CSGALNACT1: variants seen among roughly 807,000 people sequenced by gnomAD.
CSGALNACT1 encodes the protein beta4GalNAcT-1.
CSGALNACT1 carries 52 observed loss-of-function variants against 51.0 expected under a neutral mutation model. The observed-to-expected ratio is 1.02, with a 90% CI of 0.82 to 1.29. The LOEUF (loss-of-function observed/expected upper bound fraction) is 1.29, where lower values mean the gene tolerates loss of function less well. CSGALNACT1 is among the 50% of genes most tolerant of loss of function. The pLI, the probability that CSGALNACT1 is intolerant of heterozygous loss-of-function variation, is 0.00. For synonymous variants in CSGALNACT1, 341 were observed against 254.4 expected, an observed-to-expected ratio of 1.34 and a Z score of -3.24; for missense variants, 935 against 679.2, an observed-to-expected ratio of 1.38 and a Z score of -4.19.
At chr8:19,516,087 C>T (rs527948292) in intron 3 of CSGALNACT1, among the ~76,000 whole-genome samples, 13 of 152,214 alleles carry the variant, frequency 8.5e-5, no homozygotes, top group Admixed American at 4.6e-4. Context: ...AACTGAGAAC[C>T]GCATGAAACC....
intron 1 of CSGALNACT1, among the ~76,000 whole-genome samples, chr8:19,666,783 GAAAGAAAGAAAGAAAGAAAGAA>G (rs2059223353): frequency 4.1e-4 from 6 of 14,670 alleles, no homozygotes; most frequent in African/African-American, 1.8e-3. Flanking sequence ...AAGAAAGAAA[GAAAGAAAGAAAGAAAGAAAGAA>G]AGAAAGAGAG....
chr8:19,610,997 A>G (rs974739137), intron 1 of CSGALNACT1, among the ~76,000 whole-genome samples: 1 of 152,206 alleles, frequency 6.6e-6, no homozygotes, highest in Non-Finnish European at 1.5e-5. Context: ...ATGCCCCTCT[A>G]GAGCTTTGAG....
intron 3 of CSGALNACT1, among the ~76,000 whole-genome samples, chr8:19,513,069 C>T (rs2078752770): frequency 6.6e-6 from 1 of 152,142 alleles, no homozygotes; most frequent in Admixed American, 6.5e-5. Flanking sequence ...CCTTCTCCAT[C>T]ATCTTCTGCC....
intron 3 of CSGALNACT1, among the ~76,000 whole-genome samples, chr8:19,517,560 C>A (rs181720751): frequency 2.0e-5 from 3 of 152,178 alleles, no homozygotes; most frequent in African/African-American, 7.2e-5. Context: ...AAAGACGTGC[C>A]CGAGAGTGGG....
rs567249666 is a variant in CSGALNACT1 at position 19,461,698 on chromosome 8, A to G, written c.635-3056T>C. Among the ~76,000 whole-genome samples, 101 of 151,582 alleles carry G rather than the reference A, an allele frequency of 6.7e-4. 1 individual carries two copies. Among genetic ancestry groups the G allele is most frequent in the Middle Eastern group, 3.4e-3 (1 of 292 alleles). On this transcript the variant is annotated intron_variant, in intron 4 of 9. Coordinates refer to ENST00000454498, the Ensembl canonical transcript of CSGALNACT1. ...CGGCCACATTCACCATGGGGGGCGT[A>G]TCCGCACAGCACACACATTCACCAT...
chr8:19,560,740 A>G (rs945560355), intron 3 of CSGALNACT1, among the ~76,000 whole-genome samples: 4 of 152,182 alleles, frequency 2.6e-5, no homozygotes, highest in Non-Finnish European at 5.9e-5. Context: ...AAGATGTAAC[A>G]CCACTTGGAA....
chr8:19,553,594 TAAAA>T (rs1452640907), intron 3 of CSGALNACT1, among the ~76,000 whole-genome samples: 54 of 140,728 alleles, frequency 3.8e-4, no homozygotes, highest in Middle Eastern at 3.8e-3. Context: ...TATATATATA[TAAAA>T]ATACATTTAT....
chr8:19,726,415 G>C (rs756322047), intron 1 of CSGALNACT1, among the ~76,000 whole-genome samples: 2 of 152,040 alleles, frequency 1.3e-5, no homozygotes, highest in African/African-American at 2.4e-5. Context: ...TCATTTTTAT[G>C]TTTTTGTTTT....
At chr8:19,438,299 G>C (rs564520001) in intron 6 of CSGALNACT1, among the ~76,000 whole-genome samples, 10 of 152,106 alleles carry the variant, frequency 6.6e-5, no homozygotes, top group Middle Eastern at 3.2e-3. Flanking sequence ...AGAATCATCC[G>C]GGAAACTTTA....
At chr8:19,676,552 T>C (rs1470098820) in intron 1 of CSGALNACT1, among the ~76,000 whole-genome samples, 2 of 152,208 alleles carry the variant, frequency 1.3e-5, no homozygotes, top group South Asian at 2.1e-4. Flanking sequence ...ACGATTATAA[T>C]AAATTCAGCC....
intron 3 of CSGALNACT1, among the ~76,000 whole-genome samples, chr8:19,536,278 G>C (rs1029738573): frequency 2.0e-5 from 3 of 152,060 alleles, no homozygotes; most frequent in Non-Finnish European, 2.9e-5. Context: ...GTAAAGGCAA[G>C]GGGTATATGG....
chr8:19,575,122 TCA>T (rs2043894005), intron 3 of CSGALNACT1, among the ~76,000 whole-genome samples: 1 of 152,168 alleles, frequency 6.6e-6, no homozygotes, highest in African/African-American at 2.4e-5. Flanking sequence ...GTCTGCCAAC[TCA>T]CACAGTTATT....
chr8:19,590,785 G>A (rs566829448), intron 3 of CSGALNACT1, among the ~76,000 whole-genome samples: 9 of 151,510 alleles, frequency 5.9e-5, no homozygotes, highest in Non-Finnish European at 1.0e-4. Context: ...ATGTAGCTGG[G>A]ATTACAGGTG....
chr8:19,555,194 G>C (rs147561674), intron 3 of CSGALNACT1, among the ~76,000 whole-genome samples: 4,623 of 151,312 alleles, frequency 0.031, 245 homozygotes, highest in African/African-American at 0.11. Context: ...AGCCGAGATC[G>C]CGCCATTGCA....
intron 4 of CSGALNACT1, among the ~76,000 whole-genome samples, chr8:19,495,860 G>C (rs2075356678): frequency 6.6e-6 from 1 of 152,124 alleles, no homozygotes; most frequent in African/African-American, 2.4e-5. Context: ...GGAAATATAG[G>C]GAAAAGGTAG....
intron 1 of CSGALNACT1, among the ~76,000 whole-genome samples, chr8:19,624,601 G>A (rs888313959): frequency 2.0e-5 from 3 of 151,556 alleles, no homozygotes; most frequent in Non-Finnish European, 4.4e-5. Context: ...TGTTAATGGA[G>A]TTTGGAGTCT....
At chr8:19,408,026 G>T (rs1585312155) in intron 9 of CSGALNACT1, among the ~76,000 whole-genome samples, 4 of 151,582 alleles carry the variant, frequency 2.6e-5, no homozygotes. Flanking sequence ...GAGAAATGTG[G>T]GTCTTTTTGA....
chr8:19,687,487 A>G (rs1282302535), upstream of CSGALNACT1, among the ~76,000 whole-genome samples: 1 of 152,250 alleles, frequency 6.6e-6, no homozygotes, highest in Non-Finnish European at 1.5e-5. Flanking sequence ...AATTACTAAA[A>G]AAAAATGAAA....
chr8:19,405,918 G>C (rs553914582), exon 10 of CSGALNACT1: 1 of 1,614,110 alleles, frequency 6.2e-7, no homozygotes, highest in Admixed American at 1.7e-5. Context: ...TGTACTGCTC[G>C]GGGGTCAGCT....
Sources: gnomAD v4.1 joint callset for allele counts (sites outside exome capture counted in the v4.1 genomes callset) on GRCh38, gnomAD v4.1.1 for gene constraint, MANE v1.5 for transcripts, NCBI Gene and HGNC (gene_info 2026-07-23, HGNC 2026-07-21) for gene names.